Variants in SLC39A10 observed in about 807,000 individuals in gnomAD.
SLC39A10 encodes the protein zinc transporter ZIP10.
A neutral mutation model predicts 65.1 loss-of-function variants in SLC39A10; 13 were observed. The observed-to-expected ratio is 0.20, with a 90% CI of 0.13 to 0.32. The LOEUF is 0.32. Among genes scored for constraint, SLC39A10 ranks in the 10% least tolerant of loss-of-function variants. The pLI, the probability that SLC39A10 is intolerant of heterozygous loss-of-function variation, is 1.00. For synonymous variants in SLC39A10, 321 were observed against 342.2 expected (o/e 0.94, Z 0.68); for missense variants, 831 against 1,018.4 (o/e 0.82, Z 2.50).
At chr2:195,635,270 C>T (rs576058691) in intron 2 of SLC39A10, among the ~76,000 whole-genome samples, 2 of 152,162 alleles carry the variant, frequency 1.3e-5, no homozygotes, top group African/African-American at 4.8e-5. Context: ...AGAACCTTTC[C>T]TGGAGGCCCC....
intron 2 of SLC39A10, among the ~76,000 whole-genome samples, chr2:195,647,734 A>T (rs1255472293): frequency 6.6e-6 from 1 of 151,760 alleles, no homozygotes; most frequent in Non-Finnish European, 1.5e-5. Flanking sequence ...GACTACAGGC[A>T]ACTTAAGGGT....
chr2:195,677,377 C>A (rs1457037868), intron 1 of SLC39A10, among the ~76,000 whole-genome samples: 1 of 151,952 alleles, frequency 6.6e-6, no homozygotes, highest in Non-Finnish European at 1.5e-5. Flanking sequence ...AGAGCAAGAC[C>A]CCAAAAAGAA....
At chr2:195,655,216 C>T (rs137896099), upstream of SLC39A10, among the ~76,000 whole-genome samples, 56 of 152,208 alleles carry the variant, frequency 3.7e-4, no homozygotes, top group African/African-American at 1.3e-3. Context: ...AGGACTGGCA[C>T]AGGGGTGAGA....
At chr2:195,626,290 C>T (rs1019247652) in intron 2 of SLC39A10, among the ~76,000 whole-genome samples, 1 of 152,100 alleles carries the variant, frequency 6.6e-6, no homozygotes, top group African/African-American at 2.4e-5. Context: ...ATGTTTTGTG[C>T]ACTTTATTAT....
intron 9 of SLC39A10, among the ~76,000 whole-genome samples, chr2:195,730,696 T>G (rs1692406756): frequency 6.6e-6 from 1 of 152,208 alleles, no homozygotes; most frequent in African/African-American, 2.4e-5. Context: ...ATTATAGGCC[T>G]TTCCTTTAAC....
intron 2 of SLC39A10, among the ~76,000 whole-genome samples, chr2:195,639,143 A>T (rs553805437): frequency 2.0e-5 from 3 of 152,026 alleles, no homozygotes; most frequent in Admixed American, 2.0e-4. Context: ...TGTAAAGATA[A>T]GTCTTGCTAT....
rs1690260691 is a variant in SLC39A10 at position 195,680,526 on chromosome 2, G to A, written c.484G>A (p.Val162Met). The A allele has an allele frequency of 8.1e-6, 13 of 1,614,174 alleles. No homozygotes were observed. Among genetic ancestry groups the A allele is most frequent in the Non-Finnish European group, 1.1e-5 (13 of 1,180,036 alleles). ...KCDPEKETVEVSVKSDDKHMH... is the reference protein window; with the variant it reads ...KCDPEKETVEMSVKSDDKHMH... ...TGATCCAGAGAAAGAGACAGTTGAA[G>A]TGTCTGTAAAATCTGATGATAAACA... Residue 162 changes from valine to methionine, a missense_variant, in exon 2 of 10, where the codon GTG becomes ATG. By Grantham distance (21) the Val-to-Met change is conservative. Coordinates refer to ENST00000359634, the MANE Select transcript of SLC39A10 (RefSeq NM_020342.3).
intron 2 of SLC39A10, among the ~76,000 whole-genome samples, chr2:195,617,836 G>T (rs1039794197): frequency 7.9e-5 from 12 of 150,944 alleles, no homozygotes; most frequent in Admixed American, 3.3e-4. Context: ...GCCTCCTAGG[G>T]TCACGCCATT....
At chr2:195,719,491 G>T (rs1691941343) in intron 8 of SLC39A10, among the ~76,000 whole-genome samples, 1 of 152,132 alleles carries the variant, frequency 6.6e-6, no homozygotes, top group Admixed American at 6.5e-5. Context: ...CGACTTCTCT[G>T]AGATATACAC....
At chr2:195,724,677 A>T (rs1486026472) in intron 8 of SLC39A10, among the ~76,000 whole-genome samples, 1 of 152,218 alleles carries the variant, frequency 6.6e-6, no homozygotes, top group East Asian at 1.9e-4. Context: ...AAGGAGACTT[A>T]AATGAAGAGC....
intron 2 of SLC39A10, among the ~76,000 whole-genome samples, chr2:195,644,600 A>G (rs1315116264): frequency 6.6e-6 from 1 of 151,722 alleles, no homozygotes; most frequent in Non-Finnish European, 1.5e-5. Flanking sequence ...TCGGCCTCCC[A>G]AAGTGTTGGG....
chr2:195,651,313 G>T (rs933306880), intron 2 of SLC39A10, among the ~76,000 whole-genome samples: 1 of 152,044 alleles, frequency 6.6e-6, no homozygotes, highest in African/African-American at 2.4e-5. Flanking sequence ...CACAGGTCTC[G>T]AATAATGGAA....
At chr2:195,683,929 T>C (rs1019848227) in intron 3 of SLC39A10, 23 bp downstream of exon 3, 2 of 1,547,902 alleles carry the variant, frequency 1.3e-6, no homozygotes, top group East Asian at 4.5e-5. Context: ...TTAAGTTTTT[T>C]CTCCTTAAAA....
At chr2:195,721,614 C>T (rs755159861) in intron 8 of SLC39A10, among the ~76,000 whole-genome samples, 2 of 152,164 alleles carry the variant, frequency 1.3e-5, no homozygotes. Flanking sequence ...TCTTCTCTAA[C>T]TATCACATAC....
intron 3 of SLC39A10, among the ~76,000 whole-genome samples, chr2:195,692,823 T>C (rs1236554109): frequency 2.0e-5 from 3 of 152,168 alleles, no homozygotes; most frequent in African/African-American, 7.2e-5. Context: ...CCTTGATTTC[T>C]TTCCCTTCTC....
At chr2:195,674,479 G>A (rs1019383681) in intron 1 of SLC39A10, 3 of 471,520 alleles carry the variant, frequency 6.4e-6, no homozygotes, top group Middle Eastern at 1.1e-3. Context: ...GTTTCACCAT[G>A]TTGGTCAGGC....
chr2:195,650,023 T>TA (rs1288824678), intron 2 of SLC39A10, among the ~76,000 whole-genome samples: 4 of 152,174 alleles, frequency 2.6e-5, no homozygotes, highest in African/African-American at 9.7e-5. Flanking sequence ...TATAAATAGG[T>TA]AATACAACTG....
At chr2:195,696,605 G>C (rs967181688) in intron 3 of SLC39A10, among the ~76,000 whole-genome samples, 1 of 151,916 alleles carries the variant, frequency 6.6e-6, no homozygotes, top group Non-Finnish European at 1.5e-5. Context: ...CAACGTGGGG[G>C]GATTAGCAGT....
intron 3 of SLC39A10, among the ~76,000 whole-genome samples, chr2:195,696,665 A>C (rs975479427): frequency 1.3e-5 from 2 of 152,140 alleles, no homozygotes; most frequent in African/African-American, 4.8e-5. Context: ...CGCTCTCCCA[A>C]AATACAACTA....
Sources: allele counts gnomAD v4.1 joint callset (sites outside exome capture counted in the v4.1 genomes callset), GRCh38; gene constraint gnomAD v4.1.1; transcripts MANE v1.5; gene names NCBI Gene and HGNC (gene_info 2026-07-23, HGNC 2026-07-21).